INPP4B: variants seen among roughly 807,000 people sequenced by gnomAD.
INPP4B encodes the protein inositol polyphosphate 4-phosphatase type II.
In INPP4B, 55 loss-of-function variants were observed where a neutral mutation model predicts 122.5. That is an observed-to-expected ratio of 0.45 (90% CI 0.36 to 0.56). The LOEUF is 0.56. Ranked by LOEUF, INPP4B falls within the 20% of genes least tolerant of loss-of-function variation. The pLI, the probability that INPP4B is intolerant of heterozygous loss-of-function variation, is 0.00. For missense variants in INPP4B, 1,000 were observed against 1,097.7 expected, an observed-to-expected ratio of 0.91 and a Z score of 1.26; for synonymous variants, 403 against 388.7, an observed-to-expected ratio of 1.04 and a Z score of -0.43.
chr4:142,145,341 C>T (rs1810118315), intron 18 of INPP4B, among the ~76,000 whole-genome samples: 1 of 152,078 alleles, frequency 6.6e-6, no homozygotes, highest in South Asian at 2.1e-4. Context: ...GAGCAATATG[C>T]TAACATATTC....
chr4:142,368,783 T>A (rs571523795), intron 7 of INPP4B, among the ~76,000 whole-genome samples: 10 of 150,714 alleles, frequency 6.6e-5, no homozygotes, highest in Non-Finnish European at 1.3e-4. Flanking sequence ...AAGAAGACAA[T>A]CAGTGAAAGA....
chr4:142,039,499 T>C (rs1005806113), intron 25 of INPP4B, among the ~76,000 whole-genome samples: 1 of 152,122 alleles, frequency 6.6e-6, no homozygotes, highest in African/African-American at 2.4e-5. Context: ...GTCTAAACAT[T>C]GCTTTGAAGA....
intron 7 of INPP4B, chr4:142,384,065 C>T: frequency 8.5e-6 from 6 of 701,942 alleles, no homozygotes; most frequent in Non-Finnish European, 1.6e-5. Context: ...GTTGTCTCAG[C>T]TCTGAGGACC....
At chr4:142,379,413 T>A (rs1457731412) in intron 7 of INPP4B, among the ~76,000 whole-genome samples, 1 of 152,172 alleles carries the variant, frequency 6.6e-6, no homozygotes, top group Non-Finnish European at 1.5e-5. Flanking sequence ...AAGAAATTCT[T>A]TGTGATGTGG....
At chr4:142,337,777 T>TTTATATATA (rs1777335062) in intron 7 of INPP4B, among the ~76,000 whole-genome samples, 2 of 143,760 alleles carry the variant, frequency 1.4e-5, no homozygotes, top group Non-Finnish European at 3.0e-5. Context: ...ATATATATAT[T>TTTATATATA]TATATAGTTT....
intron 5 of INPP4B, chr4:142,426,781 C>A (rs1808162835): frequency 6.6e-6 from 1 of 151,850 alleles, no homozygotes; most frequent in Admixed American, 6.6e-5. Context: ...TGGCACCTAG[C>A]AAATTGATTG....
At chr4:142,405,514 T>G (rs887830350) in intron 5 of INPP4B, among the ~76,000 whole-genome samples, 190 bp from the exon 6 acceptor site, 2 of 152,134 alleles carry the variant, frequency 1.3e-5, no homozygotes, top group Non-Finnish European at 2.9e-5. Flanking sequence ...TGGAGCTGAA[T>G]TGAGAGTTCA....
At chr4:142,242,431 C>A (rs1034493702) in intron 11 of INPP4B, among the ~76,000 whole-genome samples, 1 of 152,154 alleles carries the variant, frequency 6.6e-6, no homozygotes, top group African/African-American at 2.4e-5. Context: ...CAGTTGGTGA[C>A]AATTGGTGAA....
chr4:142,603,319 C>T (rs1005890085), intron 2 of INPP4B, among the ~76,000 whole-genome samples: 25 of 151,792 alleles, frequency 1.6e-4, no homozygotes, highest in African/African-American at 5.8e-4. Flanking sequence ...ATGTAGCAAA[C>T]CACCATGGCA....
chr4:142,225,562 A>G (rs1026808636), intron 12 of INPP4B, among the ~76,000 whole-genome samples: 1 of 149,364 alleles, frequency 6.7e-6, no homozygotes, highest in Admixed American at 6.7e-5. Context: ...ATGTATATAT[A>G]TTATACAATT....
intron 2 of INPP4B, among the ~76,000 whole-genome samples, chr4:142,655,808 T>C (rs962125772): frequency 6.6e-6 from 1 of 152,210 alleles, no homozygotes; most frequent in Non-Finnish European, 1.5e-5. Flanking sequence ...ACTACTCTAA[T>C]TTATTTTCTA....
chr4:142,041,042 G>T lies in INPP4B; in HGVS notation c.2643-12128C>A, dbSNP rs1285459185. On this transcript the variant is annotated intron_variant, in intron 25 of 25. Transcript: ENST00000262992. ...GAGAAGGCAGTCTGACTCCAGGGCT[G>T]CTCTTAGCTCCCAAATAAAAATAAA... Among the ~76,000 whole-genome samples the T allele has an allele frequency of 2.0e-5, 3 of 152,096 alleles. No individual in the cohort carries two copies. The East Asian group carries it at 5.8e-4, about 29-fold the overall frequency.
intron 2 of INPP4B, among the ~76,000 whole-genome samples, chr4:142,707,958 G>A (rs1205085714): frequency 6.6e-6 from 1 of 152,176 alleles, no homozygotes; most frequent in Non-Finnish European, 1.5e-5. Context: ...TAGTGATACG[G>A]ACAATGAAAT....
chr4:142,435,296 T>A (rs1254501247), intron 3 of INPP4B, among the ~76,000 whole-genome samples: 3 of 152,088 alleles, frequency 2.0e-5, no homozygotes, highest in Non-Finnish European at 1.5e-5. Flanking sequence ...TCTCACTTAG[T>A]GAGTGCTTAT....
At chr4:142,755,737 C>T (rs1770409565) in intron 1 of INPP4B, among the ~76,000 whole-genome samples, 1 of 151,736 alleles carries the variant, frequency 6.6e-6, no homozygotes, top group South Asian at 2.1e-4. Context: ...TTAACTTTGC[C>T]CTATAAAATG....
chr4:142,613,731 T>C (rs1221776308), intron 2 of INPP4B, among the ~76,000 whole-genome samples: 1 of 152,210 alleles, frequency 6.6e-6, no homozygotes, highest in Non-Finnish European at 1.5e-5. Context: ...GATTAATATT[T>C]AGATGCTGGG....
chr4:142,675,714 A>C (rs543574786), intron 2 of INPP4B, among the ~76,000 whole-genome samples: 2 of 152,310 alleles, frequency 1.3e-5, no homozygotes, highest in East Asian at 3.9e-4. Context: ...AATAAGTGTA[A>C]TCCATCACAT....
At chr4:142,421,542 C>T (rs899158762) in intron 5 of INPP4B, among the ~76,000 whole-genome samples, 1 of 152,092 alleles carries the variant, frequency 6.6e-6, no homozygotes, top group Non-Finnish European at 1.5e-5. Flanking sequence ...CTCTGATATA[C>T]ATGCAACAAT....
chr4:142,128,210 G>A (rs1579004933), intron 18 of INPP4B, among the ~76,000 whole-genome samples: 1 of 116,078 alleles, frequency 8.6e-6, no homozygotes, highest in Non-Finnish European at 1.8e-5. Flanking sequence ...ATATATATGT[G>A]TGTGTGTGTG....
Sources: gnomAD v4.1 joint callset for allele counts (sites outside exome capture counted in the v4.1 genomes callset) on GRCh38, gnomAD v4.1.1 for gene constraint, MANE v1.5 for transcripts, NCBI Gene and HGNC (gene_info 2026-07-23, HGNC 2026-07-21) for gene names.